Variants in TMCO5A observed in about 807,000 individuals in gnomAD.
TMCO5A encodes transmembrane and coiled-coil domain-containing protein 5A.
A neutral mutation model predicts 42.3 loss-of-function variants in TMCO5A; 34 were observed. The ratio of observed to expected loss-of-function variants is 0.80; its 90% CI spans 0.61 to 1.07. The LOEUF is 1.07. TMCO5A is among the 50% of genes least tolerant of loss of function. The probability of loss-of-function intolerance (pLI) is 0.00; values close to 1 mark genes in which losing one functional copy is unlikely to be tolerated. For synonymous variants in TMCO5A, 131 were observed against 115.6 expected (o/e 1.13, Z -0.86); for missense variants, 357 against 327.9 (o/e 1.09, Z -0.69).
chr15:37,971,022 C>T (rs577757845), downstream of TMCO5A, among the ~76,000 whole-genome samples: 2 of 152,346 alleles, frequency 1.3e-5, no homozygotes, highest in African/African-American at 4.8e-5. Flanking sequence ...TTGCCCACTT[C>T]TCACAGCTCC....
downstream of TMCO5A, among the ~76,000 whole-genome samples, chr15:37,955,255 TAAA>T (rs55989832): frequency 6.6e-5 from 7 of 106,230 alleles, no homozygotes; most frequent in South Asian, 3.3e-4. Flanking sequence ...ATTTAAAGAG[TAAA>T]AAAAAAAAAA....
the TMCO5A span, among the ~76,000 whole-genome samples, chr15:37,976,295 T>C: frequency 6.6e-6 from 1 of 152,088 alleles, no homozygotes; most frequent in Non-Finnish European, 1.5e-5. Context: ...CTGGTGCAGT[T>C]CCCTTTTTAG....
At chr15:37,938,267 T>G (rs763505187) in intron 6 of TMCO5A, 38 bp downstream of exon 6, 2 of 1,495,914 alleles carry the variant, frequency 1.3e-6, no homozygotes, top group South Asian at 1.2e-5. Context: ...GGTTGGGCTA[T>G]GTAACCAGGA....
intron 6 of TMCO5A, 29 bp downstream of exon 6, chr15:37,938,258 G>A (rs1338875230): frequency 1.3e-6 from 2 of 1,525,788 alleles, no homozygotes; most frequent in South Asian, 2.4e-5. Flanking sequence ...CCTAAATGTG[G>A]TTGGGCTATG....
the TMCO5A span, among the ~76,000 whole-genome samples, chr15:38,034,410 A>G: frequency 6.6e-6 from 1 of 152,222 alleles, no homozygotes; most frequent in African/African-American, 2.4e-5. Context: ...AAGAATTTGT[A>G]TACCTGGGAC....
the TMCO5A span, among the ~76,000 whole-genome samples, chr15:37,982,790 C>G: frequency 6.9e-6 from 1 of 144,758 alleles, no homozygotes; most frequent in African/African-American, 2.5e-5. Context: ...ATATAACAGA[C>G]ATATATAATA....
the TMCO5A span, chr15:38,025,006 C>A: frequency 6.6e-6 from 1 of 152,338 alleles, no homozygotes; most frequent in Non-Finnish European, 1.5e-5. Context: ...AAATAAATGT[C>A]TGTTGTTCAT....
the TMCO5A span, among the ~76,000 whole-genome samples, chr15:38,019,249 G>A: frequency 1.3e-5 from 2 of 152,100 alleles, no homozygotes; most frequent in African/African-American, 4.8e-5. Flanking sequence ...TTAGGAAAAA[G>A]ATGACTAAAA....
chr15:38,008,179 G>T, the TMCO5A span, among the ~76,000 whole-genome samples: 1 of 152,032 alleles, frequency 6.6e-6, no homozygotes, highest in African/African-American at 2.4e-5. Context: ...ACAGGCGTGA[G>T]CCACCGTGCC....
At chr15:37,950,658 A>C (rs1304670826) in intron 11 of TMCO5A, among the ~76,000 whole-genome samples, 1 of 152,210 alleles carries the variant, frequency 6.6e-6, no homozygotes, top group Non-Finnish European at 1.5e-5. Context: ...AAAGTGTTTA[A>C]ATCTGATAAT....
chr15:37,969,911 T>C (rs1315692945), downstream of TMCO5A, among the ~76,000 whole-genome samples: 3 of 152,260 alleles, frequency 2.0e-5, no homozygotes, highest in African/African-American at 7.2e-5. Context: ...ATTTTATTTA[T>C]CCTGTCTACC....
intron 11 of TMCO5A, among the ~76,000 whole-genome samples, chr15:37,963,284 T>C (rs546418558): frequency 6.6e-6 from 1 of 152,162 alleles, no homozygotes; most frequent in South Asian, 2.1e-4. Context: ...AATTTTTTAA[T>C]TTCCATCTTC....
chr15:38,035,173 T>C, the TMCO5A span, among the ~76,000 whole-genome samples: 1 of 152,226 alleles, frequency 6.6e-6, no homozygotes, highest in African/African-American at 2.4e-5. Flanking sequence ...CATTCTTGCA[T>C]GAAGCTCAGA....
the TMCO5A span, among the ~76,000 whole-genome samples, chr15:38,003,051 T>C: frequency 1.3e-5 from 2 of 152,178 alleles, no homozygotes; most frequent in African/African-American, 4.8e-5. Flanking sequence ...GATCTAAGTC[T>C]TTGGTCACTG....
chr15:37,992,144 A>C, the TMCO5A span, among the ~76,000 whole-genome samples: 1 of 152,180 alleles, frequency 6.6e-6, no homozygotes, highest in Non-Finnish European at 1.5e-5. Context: ...GAACTTAGAC[A>C]AATTTACAAG....
the TMCO5A span, among the ~76,000 whole-genome samples, chr15:37,982,586 T>C: frequency 1.3e-5 from 1 of 75,658 alleles, no homozygotes; most frequent in Non-Finnish European, 2.3e-5. Context: ...TAATATATTA[T>C]ATATACTATA....
chr15:37,957,243 C>T (rs1328715536), intron 11 of TMCO5A, among the ~76,000 whole-genome samples: 3 of 152,082 alleles, frequency 2.0e-5, no homozygotes, highest in African/African-American at 7.2e-5. Flanking sequence ...CTGGCCAGGG[C>T]AATCAAGCAA....
At chr15:37,952,277 T>G (rs569804263), downstream of TMCO5A, among the ~76,000 whole-genome samples, 18 of 152,114 alleles carry the variant, frequency 1.2e-4, 1 homozygote, top group South Asian at 3.5e-3. Context: ...ACCCCTCCCC[T>G]AATCCCAGGC....
the TMCO5A span, among the ~76,000 whole-genome samples, chr15:38,034,901 C>G: frequency 9.9e-5 from 15 of 152,222 alleles, no homozygotes; most frequent in East Asian, 2.9e-3. Context: ...ACCTGCCCAC[C>G]CAGAGCCCAT....
Sources: allele counts gnomAD v4.1 joint callset (sites outside exome capture counted in the v4.1 genomes callset), GRCh38; gene constraint gnomAD v4.1.1; transcripts MANE v1.5; gene names NCBI Gene and HGNC (gene_info 2026-07-23, HGNC 2026-07-21).